The following UGT2B17 variants were observed in gnomAD, a reference collection of about 807,000 sequenced individuals.
UGT2B17 encodes UDP glucuronosyltransferase family 2 member B17, also known as UDP-glucuronosyltransferase 2B17.
UGT2B17 carries 21 observed loss-of-function variants against 48.2 expected under a neutral mutation model. The observed-to-expected ratio is 0.44, with a 90% CI of 0.31 to 0.63. The LOEUF is 0.63. Among genes scored for constraint, UGT2B17 ranks in the 20% least tolerant of loss-of-function variants. The probability of loss-of-function intolerance (pLI) is 0.08; values close to 1 mark genes in which losing one functional copy is unlikely to be tolerated. For synonymous variants in UGT2B17, 146 were observed against 238.4 expected (o/e 0.61, Z 3.57); for missense variants, 402 against 696.1 (o/e 0.58, Z 4.75).
chr4:68,567,717 G>A, intron 2 of UGT2B17, 44 bp downstream of exon 2: 1 of 1,233,662 alleles, frequency 8.1e-7, no homozygotes, highest in Non-Finnish European at 1.0e-6. Context: ...CAAAGGCACA[G>A]GAAAATTAGA....
In UGT2B17 at chr4:68,547,236, A is replaced by C. The variant is rs1730830537; in HGVS notation, c.1313+3441T>G. Among the ~76,000 whole-genome samples, 2 of 123,828 alleles carry C rather than the reference A, an allele frequency of 1.6e-5. 1 individual carries two copies. Among genetic ancestry groups the C allele is most frequent in the African/African-American group, 5.5e-5 (2 of 36,354 alleles). 81.2% of individuals were successfully genotyped at this position (123,828 alleles called of 152,430 possible). A position where few individuals can be genotyped will look rare whatever the true frequency, so the allele number is the denominator to read the frequency against. ...TGGTACCAAAACAGAGATATAGACCAATGGAACAGAACAGAGCCCTCAGAA... is the reference window on the plus strand; with the variant it reads ...TGGTACCAAAACAGAGATATAGACCCATGGAACAGAACAGAGCCCTCAGAA... On this transcript the variant is annotated intron_variant, in intron 6 of 6. Transcript: ENST00000317746.
At chr4:68,549,370 C>A (rs1730875562) in intron 6 of UGT2B17, among the ~76,000 whole-genome samples, 1 of 122,354 alleles carries the variant, frequency 8.2e-6, no homozygotes. Context: ...AATCTATCTG[C>A]CCATAGTGGA....
rs79242783 is a variant in UGT2B17, at chr4:68,568,220, A to C, written c.265T>G (p.Phe89Val). 12,676 of 1,372,368 alleles carry C rather than the reference A, an allele frequency of 9.2e-3. 3,275 individuals carry two copies. Among genetic ancestry groups the C allele is most frequent in the East Asian group, 0.071 (856 of 12,120 alleles). 85.0% of individuals were successfully genotyped at this position (1,372,368 alleles called of 1,614,324 possible). The change falls in exon 2 of 7, where the codon TTT becomes GTT. Residue 89 changes from phenylalanine (F) to valine (V), a missense_variant. Phe to Val is a conservative substitution (Grantham distance 50). Coordinates refer to ENST00000317746, the MANE Select transcript of UGT2B17 (RefSeq NM_001077.4). ...TSLTKNDLED[F>V]FMKMFDRWTY... ...CATCTATCGAACATTTTCATAAAAA[A>C]ATCTTCCAAATCATTTTTAGTTAAA... is the stretch of plus-strand genomic sequence containing the variant.
intron 3 of UGT2B17, among the ~76,000 whole-genome samples, chr4:68,563,991 A>C (rs1450348165): frequency 8.0e-6 from 1 of 124,834 alleles, no homozygotes; most frequent in Non-Finnish European, 1.7e-5. Flanking sequence ...TTTTTGGATC[A>C]CTGGCTATGT....
chr4:68,544,540 C>T lies in UGT2B17; in HGVS notation c.1313+6137G>A, dbSNP rs185234672. Among the ~76,000 whole-genome samples, 346 of 125,224 alleles carry T rather than the reference C, an allele frequency of 2.8e-3. 57 individuals carry two copies. Among genetic ancestry groups the T allele is most frequent in the African/African-American group, 9.1e-3 (334 of 36,734 alleles). The allele number at this position is 125,224 out of a possible 152,430, so 82.2% of individuals were successfully genotyped here. A position where few individuals can be genotyped will look rare whatever the true frequency, so the allele number is the denominator to read the frequency against. On this transcript the variant is annotated intron_variant, in intron 6 of 6. Coordinates refer to ENST00000317746, the MANE Select transcript of UGT2B17 (RefSeq NM_001077.4). ...GCTAGGAAAAAACGGCATCAACTAT[C>T]GAGCAAAACAATCAGCTAACATCAT... is the stretch of plus-strand genomic sequence containing the variant.
Position 68,572,739 on chromosome 4 carries a change from A to T in UGT2B17, c.-65+3212T>A, listed in dbSNP as rs1180592444. Among the ~76,000 whole-genome samples the T allele has an allele frequency of 4.7e-5, 6 of 127,068 alleles. 2 individuals carry two copies. Among genetic ancestry groups the T allele is most frequent in the Non-Finnish European group, 1.0e-4 (6 of 59,822 alleles). 83.4% of individuals were successfully genotyped at this position (127,068 alleles called of 152,430 possible). A position where few individuals can be genotyped will look rare whatever the true frequency, so the allele number is the denominator to read the frequency against. Reference sequence around the variant, plus strand: ...AACAGTTCTTAGTCTGAGGAAGGTCAGTTGAAGTCCTTCCTGTACAAGTCC... The same window carrying T: ...AACAGTTCTTAGTCTGAGGAAGGTCTGTTGAAGTCCTTCCTGTACAAGTCC... On this transcript the variant is annotated intron_variant, in intron 1 of 6. Transcript: ENST00000317746.
intron 4 of UGT2B17, among the ~76,000 whole-genome samples, chr4:68,552,404 T>C (rs1730933427): frequency 7.9e-6 from 1 of 126,088 alleles, no homozygotes; most frequent in Admixed American, 8.1e-5. Context: ...TGCCTTTGTT[T>C]CTAGTTGTCC....
chr4:68,546,841 A>G (rs1466893121), intron 6 of UGT2B17, among the ~76,000 whole-genome samples: 1 of 124,100 alleles, frequency 8.1e-6, no homozygotes, highest in African/African-American at 2.7e-5. Flanking sequence ...TTCAAAGAGA[A>G]TAAAATACCT....
intron 6 of UGT2B17, among the ~76,000 whole-genome samples, chr4:68,548,007 A>C (rs1730848937): frequency 7.9e-6 from 1 of 126,834 alleles, no homozygotes; most frequent in African/African-American, 2.7e-5. Flanking sequence ...CCATTGTGGA[A>C]GTCAGTGTGG....
chr4:68,559,772 C>T (rs1731069131), intron 4 of UGT2B17, among the ~76,000 whole-genome samples: 1 of 126,132 alleles, frequency 7.9e-6, no homozygotes, highest in Non-Finnish European at 1.7e-5. Context: ...GTGGAGAAGG[C>T]ACTAATCTGA....
chr4:68,563,106 C>T (rs116635292), intron 3 of UGT2B17, among the ~76,000 whole-genome samples: 9,993 of 126,348 alleles, frequency 0.079, 2,654 homozygotes, highest in African/African-American at 0.24. Flanking sequence ...GAATATATTA[C>T]AAAGGCAATA....
chr4:68,576,163 G>T lies in UGT2B17; in HGVS notation c.-277C>A, dbSNP rs1731371700. ...AGGGCAGGCTTAAGCCACCTAAGGG[G>T]CTGCCTCAGCCTTCCGTCAGTCACC... On this transcript the variant is annotated 5_prime_UTR_variant, in exon 1 of 7. Coordinates refer to ENST00000317746, the MANE Select transcript of UGT2B17 (RefSeq NM_001077.4). Among the ~76,000 whole-genome samples the T allele has an allele frequency of 8.0e-6, 1 of 125,430 alleles. No individual in the cohort carries two copies. The highest frequency in any genetic ancestry group is 1.7e-5 in the Non-Finnish European group (1 of 59,314). 82.3% of individuals were successfully genotyped at this position (125,430 alleles called of 152,430 possible).
rs556915535 is a variant in UGT2B17, at chr4:68,574,775, T to G, written c.-65+1176A>C. Reference sequence around the variant, plus strand: ...TACTTTTAAATTATGCAACATTTTTTGCATAAAATTTTTTATAACTTTTTT... The same window carrying G: ...TACTTTTAAATTATGCAACATTTTTGGCATAAAATTTTTTATAACTTTTTT... On this transcript the variant is annotated intron_variant, in intron 1 of 6. Coordinates refer to ENST00000317746, the MANE Select transcript of UGT2B17 (RefSeq NM_001077.4). 1.9e-4 allele frequency among the ~76,000 whole-genome samples: 24 copies of G among 126,670 alleles called. 6 individuals carry two copies. Among genetic ancestry groups the G allele is most frequent in the East Asian group, 1.5e-3 (2 of 1,326 alleles). The allele number at this position is 126,670 out of a possible 152,430, so 83.1% of individuals were successfully genotyped here.
rs181911639 is a variant in UGT2B17, at chr4:68,544,880, A to G, written c.1313+5797T>C. Among the ~76,000 whole-genome samples, 859 of 126,784 alleles carry G rather than the reference A, an allele frequency of 6.8e-3. 199 individuals carry two copies. The highest frequency in any genetic ancestry group is 0.031 in the Middle Eastern group (8 of 254). 83.2% of individuals were successfully genotyped at this position (126,784 alleles called of 152,430 possible). On this transcript the variant is annotated intron_variant, in intron 6 of 6. Coordinates refer to ENST00000317746, the MANE Select transcript of UGT2B17 (RefSeq NM_001077.4). Reference sequence around the variant, plus strand: ...TAATGGTAAAGGGATCAATTCAACAAGAAGAGCTAACTATCCTAAATATAC... The same window carrying G: ...TAATGGTAAAGGGATCAATTCAACAGGAAGAGCTAACTATCCTAAATATAC...
intron 5 of UGT2B17, 113 bp downstream of exon 5, chr4:68,551,711 T>C: frequency 1.3e-6 from 1 of 768,870 alleles, no homozygotes; most frequent in Non-Finnish European, 1.8e-6. Context: ...TAAATTTGAT[T>C]TTTTTTTAGT....
At position 68,559,953 on chromosome 4, in the gene UGT2B17, G is replaced by C. The variant is rs1731073016; in HGVS notation, c.1005+584C>G. 1.6e-5 allele frequency among the ~76,000 whole-genome samples: 2 copies of C among 127,372 alleles called. 1 individual carries two copies. The allele number at this position is 127,372 out of a possible 152,430, so 83.6% of individuals were successfully genotyped here. ...TTTTTCTCTAAATCTACTTGGCTAG[G>C]TGGGTACCTCCAGAGCAGTGGCTAG... On this transcript the variant is annotated intron_variant, in intron 4 of 6. Transcript: ENST00000317746.
chr4:68,544,842 C>A (rs1578164360), intron 6 of UGT2B17, among the ~76,000 whole-genome samples: 1 of 125,676 alleles, frequency 8.0e-6, no homozygotes, highest in Admixed American at 8.1e-5. Flanking sequence ...TCAAAAGAGA[C>A]AAGGCCATTA....
intron 2 of UGT2B17, 97 bp downstream of exon 2, chr4:68,567,664 A>G: frequency 1.1e-6 from 1 of 915,328 alleles, no homozygotes; most frequent in Non-Finnish European, 1.5e-6. Flanking sequence ...AATTTCCCAT[A>G]AAAACACTAT....
rs1183917580 is a variant in UGT2B17 at position 68,555,757 on chromosome 4, T to TA, written c.1006-3847dup. Among the ~76,000 whole-genome samples, 9 of 123,172 alleles carry TA rather than the reference T, an allele frequency of 7.3e-5. 1 individual carries two copies. Among genetic ancestry groups the TA allele is most frequent in the African/African-American group, 2.2e-4 (8 of 36,528 alleles). The allele number at this position is 123,172 out of a possible 152,430, so 80.8% of individuals were successfully genotyped here. Reference sequence around the variant, plus strand: ...AGATATTTCATTGTTTGGGTATTTTTAAAAAAAAATTTGTAGGAAAACATT... The same window carrying TA: ...AGATATTTCATTGTTTGGGTATTTTTAAAAAAAAAATTTGTAGGAAAACATT... On this transcript the variant is annotated intron_variant, in intron 4 of 6. Coordinates refer to ENST00000317746, the MANE Select transcript of UGT2B17 (RefSeq NM_001077.4).
Sources: gnomAD v4.1 joint callset for allele counts (sites outside exome capture counted in the v4.1 genomes callset) on GRCh38, gnomAD v4.1.1 for gene constraint, MANE v1.5 for transcripts, NCBI Gene and HGNC (gene_info 2026-07-23, HGNC 2026-07-21) for gene names.